The following CACNA1B variants were observed in gnomAD, a reference collection of about 807,000 sequenced individuals.
CACNA1B encodes the protein voltage-dependent N-type calcium channel subunit alpha-1B.
A neutral mutation model predicts 247.2 loss-of-function variants in CACNA1B; 70 were observed. That is an observed-to-expected ratio of 0.28 (90% CI 0.23 to 0.35). CACNA1B has a LOEUF of 0.35. Ranked by LOEUF, CACNA1B falls within the 10% of genes least tolerant of loss-of-function variation. The probability of loss-of-function intolerance (pLI) is 1.00; values close to 1 mark genes in which losing one functional copy is unlikely to be tolerated. For synonymous variants in CACNA1B, 1,231 were observed against 1,294.4 expected, an observed-to-expected ratio of 0.95 and a Z score of 1.05; for missense variants, 2,367 against 3,197.4, an observed-to-expected ratio of 0.74 and a Z score of 6.26.
chr9:137,897,988 T>C (rs1161360002), intron 3 of CACNA1B, among the ~76,000 whole-genome samples: 1 of 152,196 alleles, frequency 6.6e-6, no homozygotes, highest in Admixed American at 6.5e-5. Flanking sequence ...TTTCTTTAAT[T>C]ATTCTTTCAG....
rs2131337783 is a variant in CACNA1B, at chr9:138,092,739, A to G, written c.5095-3745A>G. On this transcript the variant is annotated intron_variant, in intron 36 of 46. Transcript: ENST00000371372. ...AAATCGTCACAATTTATGTTCAGAG[A>G]TTGCAGTAAAGACAGGCATAAGAAA... Among the ~76,000 whole-genome samples, 7 of 152,352 alleles carry G rather than the reference A, an allele frequency of 4.6e-5. 1 individual carries two copies. In the South Asian group the frequency reaches 1.5e-3, roughly 32 times the overall value.
intron 15 of CACNA1B, among the ~76,000 whole-genome samples, chr9:137,998,726 G>GA (rs1174522908): frequency 6.6e-6 from 1 of 152,232 alleles, no homozygotes; most frequent in Non-Finnish European, 1.5e-5. Context: ...TGCAGGGCAT[G>GA]AACTTGCAGG....
chr9:138,004,457 T>A (rs1958621244), intron 15 of CACNA1B, among the ~76,000 whole-genome samples: 1 of 148,442 alleles, frequency 6.7e-6, no homozygotes. Flanking sequence ...GGCTGAGGTG[T>A]GAGGATTGAT....
intron 36 of CACNA1B, among the ~76,000 whole-genome samples, chr9:138,094,723 G>A (rs575252851): frequency 5.0e-4 from 76 of 152,222 alleles, no homozygotes; most frequent in Admixed American, 2.7e-3. Context: ...TGTGGTACTG[G>A]CATAAAGATA....
chr9:138,043,552 A>T (rs952228250), intron 20 of CACNA1B, among the ~76,000 whole-genome samples: 6 of 151,906 alleles, frequency 3.9e-5, no homozygotes, highest in Admixed American at 2.6e-4. Context: ...GTGCAGCAAG[A>T]GGTGAGGAAG....
At chr9:137,963,433 C>T (rs1017541817) in intron 10 of CACNA1B, among the ~76,000 whole-genome samples, 5 of 152,160 alleles carry the variant, frequency 3.3e-5, no homozygotes, top group Admixed American at 2.6e-4. Flanking sequence ...CTCACTCTGT[C>T]GCCCAGGCTG....
Position 137,878,181 on chromosome 9 carries a change from T to C in CACNA1B, c.248T>C (p.Val83Ala). 1 of 1,281,034 alleles carries C rather than the reference T, an allele frequency of 7.8e-7. No individual in the cohort carries two copies. Among genetic ancestry groups the C allele is most frequent in the Non-Finnish European group, 1.0e-6 (1 of 1,004,790 alleles). The allele number at this position is 1,281,034 out of a possible 1,614,324, so 79.4% of individuals were successfully genotyped here. ...RSLFVFSEDNVVRKYAKRITE... is the reference protein window; with the variant it reads ...RSLFVFSEDNAVRKYAKRITE... Reference sequence around the variant, plus strand: ...CTCTTCGTCTTCAGCGAGGACAACGTCGTCCGCAAATACGCGAAGCGCATC... The same window carrying C: ...CTCTTCGTCTTCAGCGAGGACAACGCCGTCCGCAAATACGCGAAGCGCATC... Residue 83 changes from valine to alanine, a missense_variant, in exon 1 of 47, where the codon GTC becomes GCC. Transcript: ENST00000371372.
intron 34 of CACNA1B, among the ~76,000 whole-genome samples, chr9:138,075,167 C>G (rs1960270540): frequency 6.6e-6 from 1 of 152,204 alleles, no homozygotes; most frequent in Admixed American, 6.5e-5. Context: ...TTTCTAAACT[C>G]TATTTCAGGG....
intron 6 of CACNA1B, among the ~76,000 whole-genome samples, chr9:137,943,774 G>T (rs1957761707): frequency 6.6e-6 from 1 of 152,130 alleles, no homozygotes; most frequent in Admixed American, 6.6e-5. Flanking sequence ...TTCACAGCAG[G>T]CTTGCAAGAC....
intron 12 of CACNA1B, among the ~76,000 whole-genome samples, chr9:137,983,359 G>A (rs1461486939): frequency 1.3e-5 from 2 of 152,138 alleles, no homozygotes; most frequent in Non-Finnish European, 2.9e-5. Flanking sequence ...CCCCTTGCTT[G>A]TCCTGTCCAG....
In CACNA1B at chr9:138,011,977, C is replaced by T. The variant is rs1958729748; in HGVS notation, c.2161-1152C>T. ...TAGCTTCCATTCTGAGGCCTGTGGT[C>T]TCAGCCGAGAACTATTGATCCGGAA... On this transcript the variant is annotated intron_variant, in intron 17 of 46. Transcript: ENST00000371372. This position sits in a 1 kb window ranked among gnomAD's most constrained non-coding sequence, Gnocchi z 4.2. 6.6e-6 allele frequency among the ~76,000 whole-genome samples: 1 copy of T among 152,174 alleles called. No individual in the cohort carries two copies. Among genetic ancestry groups the T allele is most frequent in the South Asian group, 2.1e-4 (1 of 4,830 alleles).
chr9:137,906,584 GTC>G (rs1405428720), intron 3 of CACNA1B, among the ~76,000 whole-genome samples: 19 of 150,100 alleles, frequency 1.3e-4, no homozygotes, highest in African/African-American at 3.9e-4. Flanking sequence ...ACATATGTGT[GTC>G]TCTGCATCCC....
intron 6 of CACNA1B, among the ~76,000 whole-genome samples, chr9:137,945,286 C>T (rs1589023782): frequency 6.6e-6 from 1 of 152,314 alleles, no homozygotes; most frequent in Non-Finnish European, 1.5e-5. Flanking sequence ...GAGTTGCCCA[C>T]AGTGGTCTGG....
intron 19 of CACNA1B, 132 bp from the exon 20 acceptor site, chr9:138,024,822 TG>T: frequency 1.6e-6 from 1 of 644,132 alleles, no homozygotes; most frequent in Non-Finnish European, 2.8e-6. Flanking sequence ...TTTGTAGAGA[TG>T]GGGTTTCGCC....
chr9:138,058,321 C>A lies in CACNA1B; in HGVS notation c.4308+71C>A. 2 of 1,305,252 alleles carry A rather than the reference C, an allele frequency of 1.5e-6. No homozygotes were observed. Among genetic ancestry groups the A allele is most frequent in the Non-Finnish European group, 2.2e-6 (2 of 908,290 alleles). 80.9% of individuals were successfully genotyped at this position (1,305,252 alleles called of 1,614,324 possible). ...CGCCATCAGGCTTCCCTCCTGCACA[C>A]AAATCACTCACAGCTGGGTCAGCTT... On this transcript the variant is annotated intron_variant, in intron 28 of 46. Transcript: ENST00000371372. The surrounding 1 kb of genome is among the most constrained non-coding windows in gnomAD (Gnocchi z 4.7).
chr9:138,023,745 CCACGGAGA>C lies in CACNA1B; in HGVS notation c.3003_3010del (p.Thr1002GlyfsTer3). 1.3e-6 allele frequency: 2 copies of C among 1,537,956 alleles called. No homozygotes were observed. The highest frequency in any genetic ancestry group is 1.8e-6 in the Non-Finnish European group (2 of 1,138,024). ...GAGAAGGAGACCACGGAGAAGGAGG[CCACGGAGA>C]AGGAGGCTGAGATAGTGGAAGCCGA... On this transcript the variant is annotated frameshift_variant, in exon 19 of 47. Coordinates refer to ENST00000371372, the MANE Select transcript of CACNA1B (RefSeq NM_000718.4). LOFTEE classifies it high-confidence loss of function.
rs901668357 is a variant in CACNA1B at position 137,986,270 on chromosome 9, C to T, written c.1770-143C>T. ...AGTCCAGGGTAGTGGGCCTGAAACT[C>T]CAGAGAAAAGCTCTAACTTCACACC... On this transcript the variant is annotated intron_variant, in intron 13 of 46. Transcript: ENST00000371372. This position sits in a 1 kb window ranked among gnomAD's most constrained non-coding sequence, Gnocchi z 6.0. 2 of 901,548 alleles carry T rather than the reference C, an allele frequency of 2.2e-6. No individual in the cohort carries two copies. 55.8% of individuals were successfully genotyped at this position (901,548 alleles called of 1,614,324 possible).
chr9:138,058,955 G>A lies in CACNA1B; in HGVS notation c.4474-124G>A, dbSNP rs1180424408. The A allele has an allele frequency of 4.2e-6, 3 of 719,804 alleles. No homozygotes were observed. The Admixed American group carries it at 6.5e-5, about 16-fold the overall frequency. The allele number at this position is 719,804 out of a possible 1,614,324, so 44.6% of individuals were successfully genotyped here. A position where few individuals can be genotyped will look rare whatever the true frequency, so the allele number is the denominator to read the frequency against. On this transcript the variant is annotated intron_variant, in intron 29 of 46. Transcript: ENST00000371372. This position sits in a 1 kb window ranked among gnomAD's most constrained non-coding sequence, Gnocchi z 4.7. ...TGGGAGGACTCGGGGAGAGCAGGAA[G>A]GGGTGTCCCAGGCCTAGGCAGGCAT...
chr9:138,101,281 A>G (rs1316391316), intron 37 of CACNA1B: 7 of 472,706 alleles, frequency 1.5e-5, no homozygotes, highest in Non-Finnish European at 3.1e-5. Flanking sequence ...TGGTTTGGGA[A>G]TGACGACGCC....
Sources: allele counts gnomAD v4.1 joint callset (sites outside exome capture counted in the v4.1 genomes callset), GRCh38; gene constraint gnomAD v4.1.1; non-coding constraint Gnocchi (gnomAD v3.1); transcripts MANE v1.5; gene names NCBI Gene and HGNC (gene_info 2026-07-23, HGNC 2026-07-21).